SNRK: variants seen among roughly 807,000 people sequenced by gnomAD.
SNRK encodes SNF related kinase.
In SNRK, 3 loss-of-function variants were observed where a neutral mutation model predicts 48.2. That is an observed-to-expected ratio of 0.06 (90% confidence interval 0.03 to 0.16). The LOEUF is 0.16. Ranked by LOEUF, SNRK falls within the 10% of genes least tolerant of loss-of-function variation. The probability of loss-of-function intolerance (pLI) is 1.00; values close to 1 mark genes in which losing one functional copy is unlikely to be tolerated. For synonymous variants in SNRK, 376 were observed against 366.1 expected (o/e 1.03, Z -0.31); for missense variants, 627 against 976.0 (o/e 0.64, Z 4.76).
chr3:43,343,532 A>AT, intron 6 of SNRK, 54 bp downstream of exon 6: 1 of 1,546,666 alleles, frequency 6.5e-7, no homozygotes, highest in Non-Finnish European at 8.8e-7. Context: ...GAAATAGCGA[A>AT]CTTTTTTTTT....
intron 1 of SNRK, among the ~76,000 whole-genome samples, chr3:43,287,422 T>A (rs1344212982): frequency 6.6e-6 from 1 of 152,204 alleles, no homozygotes; most frequent in Non-Finnish European, 1.5e-5. Context: ...GCTGTGCTAT[T>A]TGTAACTGTT....
In SNRK at chr3:43,348,693, CTGA is replaced by C. The variant is rs2091299455; in HGVS notation, c.*142_*144del. 16 of 946,920 alleles carry C rather than the reference CTGA, an allele frequency of 1.7e-5. No homozygotes were observed. The highest frequency in any genetic ancestry group is 3.7e-5 in the Admixed American group (1 of 27,340). The allele number at this position is 946,920 out of a possible 1,614,324, so 58.7% of individuals were successfully genotyped here. On this transcript the variant is annotated 3_prime_UTR_variant, in exon 7 of 7. Coordinates refer to ENST00000296088, the MANE Select transcript of SNRK (RefSeq NM_017719.5). ...ATTTATTACCTTTCCATTTGTTCGCCTGATGATGTGACAATGCATGGTCTTTGT... is the reference window on the plus strand; with the variant it reads ...ATTTATTACCTTTCCATTTGTTCGCCTGATGTGACAATGCATGGTCTTTGT...
In SNRK at chr3:43,348,447, G is replaced by A. The variant is rs572465919; in HGVS notation, c.2188G>A (p.Val730Met). 22 of 1,611,900 alleles carry A rather than the reference G, an allele frequency of 1.4e-5. No homozygotes were observed. The highest frequency in any genetic ancestry group is 1.7e-4 in the Middle Eastern group (1 of 6,032). Residue 730 changes from valine (V) to methionine (M), a missense_variant, in exon 7 of 7, where the codon GTG becomes ATG. Transcript: ENST00000296088. ...RIKSKNLKNN[V>M]LQLPLCEKTI... ...AAAGAGCAAGAACCTGAAAAATAAC[G>A]TGCTGCAGCTACCTCTGTGCGAAAA...
chr3:43,298,042 G>A (rs976864529), intron 1 of SNRK, among the ~76,000 whole-genome samples: 1 of 152,168 alleles, frequency 6.6e-6, no homozygotes, highest in Non-Finnish European at 1.5e-5. Context: ...AATGATGGTG[G>A]TGGTGGTAGC....
At chr3:43,339,255 GT>G (rs1344472928) in intron 4 of SNRK, among the ~76,000 whole-genome samples, 1 of 152,134 alleles carries the variant, frequency 6.6e-6, no homozygotes, top group Non-Finnish European at 1.5e-5. Context: ...GATCTAAGTT[GT>G]TTCTCATTTT....
intron 3 of SNRK, among the ~76,000 whole-genome samples, chr3:43,310,720 T>C (rs1456134043): frequency 1.3e-5 from 2 of 152,246 alleles, no homozygotes; most frequent in African/African-American, 4.8e-5. Flanking sequence ...CAGATACTTG[T>C]CTGTCATCTT....
chr3:43,334,069 C>T (rs939802703), intron 4 of SNRK, among the ~76,000 whole-genome samples: 1 of 152,078 alleles, frequency 6.6e-6, no homozygotes, highest in Admixed American at 6.5e-5. Flanking sequence ...TCACTTGAAC[C>T]CAGGAGGTGG....
At chr3:43,319,807 C>T (rs1389981362) in intron 3 of SNRK, among the ~76,000 whole-genome samples, 10 of 152,266 alleles carry the variant, frequency 6.6e-5, no homozygotes, top group Non-Finnish European at 7.3e-5. Context: ...TTGCTGATGT[C>T]GTAATTCCTT....
chr3:43,341,506 G>A (rs916220317), intron 5 of SNRK, among the ~76,000 whole-genome samples: 4 of 152,190 alleles, frequency 2.6e-5, no homozygotes, highest in Non-Finnish European at 5.9e-5. Context: ...GAGGAAAGAG[G>A]CATTTGCTTT....
intron 3 of SNRK, among the ~76,000 whole-genome samples, chr3:43,320,665 G>T (rs886756918): frequency 1.3e-5 from 2 of 149,000 alleles, no homozygotes; most frequent in African/African-American, 2.5e-5. Context: ...GAGTAGCTGG[G>T]TTTTTTTTTT....
chr3:43,289,467 GTTTGT>G (rs746488315), intron 1 of SNRK, among the ~76,000 whole-genome samples: 11 of 152,152 alleles, frequency 7.2e-5, no homozygotes, highest in Non-Finnish European at 1.5e-4. Flanking sequence ...TTGGTGAGGT[GTTTGT>G]TTTGTTTTGT....
intron 3 of SNRK, among the ~76,000 whole-genome samples, chr3:43,321,974 C>T (rs2091056991): frequency 6.6e-6 from 1 of 152,230 alleles, no homozygotes; most frequent in Non-Finnish European, 1.5e-5. Context: ...TTTTAGGTTT[C>T]ATTATGATTA....
At chr3:43,294,512 G>A (rs1309802708) in intron 1 of SNRK, among the ~76,000 whole-genome samples, 1 of 152,126 alleles carries the variant, frequency 6.6e-6, no homozygotes, top group Non-Finnish European at 1.5e-5. Context: ...AACTTGTGGT[G>A]TCTTGTTGGC....
chr3:43,307,715 T>C (rs578173782), intron 3 of SNRK, among the ~76,000 whole-genome samples: 34 of 152,234 alleles, frequency 2.2e-4, no homozygotes, highest in Non-Finnish European at 4.1e-4. Context: ...CTCTCTCTCT[T>C]CTTGGGCTTC....
intron 3 of SNRK, among the ~76,000 whole-genome samples, chr3:43,320,459 T>C (rs955416241): frequency 2.6e-5 from 4 of 152,178 alleles, no homozygotes; most frequent in Non-Finnish European, 5.9e-5. Context: ...GCCCCTGAGA[T>C]GGTGTGACTG....
Position 43,348,174 on chromosome 3 carries a change from A to G in SNRK, c.1915A>G (p.Ser639Gly), listed in dbSNP as rs766105676. 3 of 1,587,786 alleles carry G rather than the reference A, an allele frequency of 1.9e-6. No homozygotes were observed. The highest frequency in any genetic ancestry group is 2.6e-6 in the Non-Finnish European group (3 of 1,168,442). ...CAACTCCATGCAGCTGGCCTCTCGC[A>G]GTGCTGGGGAGCTCGTTGAGAGCCT... ...PSNSMQLASRSAGELVESLKL... is the reference protein window; with the variant it reads ...PSNSMQLASRGAGELVESLKL... Residue 639 changes from serine to glycine, a missense_variant, in exon 7 of 7, where the codon AGT becomes GGT. This residue lies in a region of SNRK where 207 missense variants were observed against 234.3 expected (regional missense o/e 0.88). Coordinates refer to ENST00000296088, the MANE Select transcript of SNRK (RefSeq NM_017719.5).
intron 3 of SNRK, among the ~76,000 whole-genome samples, chr3:43,317,446 A>G (rs1021506030): frequency 2.0e-5 from 3 of 152,202 alleles, no homozygotes; most frequent in African/African-American, 7.2e-5. Context: ...CTTACTCATA[A>G]GGAAAACAAT....
intron 5 of SNRK, among the ~76,000 whole-genome samples, chr3:43,342,013 C>T (rs1301402192): frequency 1.3e-5 from 2 of 152,228 alleles, no homozygotes; most frequent in African/African-American, 4.8e-5. Context: ...GTTTCTGCTA[C>T]AGACACTGAC....
intron 3 of SNRK, among the ~76,000 whole-genome samples, chr3:43,331,227 T>C (rs2091143836): frequency 6.6e-6 from 1 of 152,238 alleles, no homozygotes; most frequent in African/African-American, 2.4e-5. Flanking sequence ...TGTTCTTTAG[T>C]TTCTGGAATG....
Sources: allele counts gnomAD v4.1 joint callset (sites outside exome capture counted in the v4.1 genomes callset), GRCh38; gene constraint gnomAD v4.1.1; regional missense constraint gnomAD v4.1.1; transcripts MANE v1.5; gene names NCBI Gene and HGNC (gene_info 2026-07-23, HGNC 2026-07-21).